LRTM3: variants seen among roughly 807,000 people sequenced by gnomAD.
The protein encoded by LRTM3 is leucine-rich repeat transmembrane protein 3.
At chr13:102,757,365 C>T in the LRTM3 span, among the ~76,000 whole-genome samples, 7 of 152,178 alleles carry the variant, frequency 4.6e-5, no homozygotes, top group African/African-American at 1.7e-4. Flanking sequence ...CTGATTCACA[C>T]AGTGACTAGT....
At chr13:102,741,600 C>T in the LRTM3 span, 1 of 1,550,374 alleles carries the variant, frequency 6.5e-7, no homozygotes, top group South Asian at 1.2e-5. Context: ...GCCATAGACC[C>T]CAGGTTTGTC....
chr13:102,752,840 T>C, the LRTM3 span, among the ~76,000 whole-genome samples: 30 of 152,322 alleles, frequency 2.0e-4, no homozygotes, highest in African/African-American at 6.7e-4. Context: ...TATTTGGAGA[T>C]AAGGCCATCA....
At chr13:102,758,645 A>T in the LRTM3 span, 1 of 1,514,124 alleles carries the variant, frequency 6.6e-7, no homozygotes. Flanking sequence ...TTTACAAATT[A>T]TTCTTATGTC....
the LRTM3 span, chr13:102,750,157 T>C: frequency 1.3e-6 from 2 of 1,551,126 alleles, no homozygotes; most frequent in African/African-American, 2.7e-5. Flanking sequence ...CTGGATGCTC[T>C]GTATGGCTTA....
chr13:102,732,991 C>A, the LRTM3 span: 1 of 1,551,430 alleles, frequency 6.4e-7, no homozygotes, highest in Non-Finnish European at 8.7e-7. Context: ...TGAGCAATGC[C>A]TGCTTCCTTC....
the LRTM3 span, chr13:102,737,309 G>A: frequency 6.4e-7 from 1 of 1,551,118 alleles, no homozygotes; most frequent in Non-Finnish European, 8.7e-7. Flanking sequence ...TAGTTGCAAA[G>A]TAGCAGATTT....
At chr13:102,737,338 T>C in the LRTM3 span, 1 of 1,551,066 alleles carries the variant, frequency 6.4e-7, no homozygotes, top group East Asian at 2.4e-5. Context: ...CTTGTAAGTC[T>C]TCCTCTCCTT....
the LRTM3 span, chr13:102,747,723 G>T: frequency 1.3e-6 from 2 of 1,551,062 alleles, no homozygotes; most frequent in East Asian, 2.4e-5. Context: ...CTGTCTGTAG[G>T]TCTATCTGTG....
chr13:102,740,250 T>G, the LRTM3 span: 1 of 1,549,674 alleles, frequency 6.5e-7, no homozygotes, highest in Middle Eastern at 1.7e-4. Flanking sequence ...TATTTTATAG[T>G]TTTATGGTAT....
the LRTM3 span, chr13:102,748,278 T>G: frequency 6.4e-7 from 1 of 1,550,950 alleles, no homozygotes; most frequent in East Asian, 2.4e-5. Context: ...TCTGTAACAT[T>G]AAGTATCAAT....
the LRTM3 span, chr13:102,745,769 A>G: frequency 1.8e-5 from 28 of 1,551,070 alleles, no homozygotes; most frequent in Non-Finnish European, 2.2e-5. Context: ...GATTTCATCA[A>G]CCTTTGCTTC....
At chr13:102,733,082 T>A in the LRTM3 span, 1 of 1,551,544 alleles carries the variant, frequency 6.4e-7, no homozygotes, top group African/African-American at 1.4e-5. Flanking sequence ...TGTTGTTTTC[T>A]TGTCCACATC....
chr13:102,730,429 T>C, the LRTM3 span: 3 of 1,550,968 alleles, frequency 1.9e-6, no homozygotes, highest in South Asian at 3.6e-5. Flanking sequence ...ATGAAACAGC[T>C]GAACCAGTAG....
At chr13:102,750,251 G>T in the LRTM3 span, 2 of 1,551,158 alleles carry the variant, frequency 1.3e-6, no homozygotes, top group Non-Finnish European at 1.7e-6. Flanking sequence ...TTCACTAGAG[G>T]GACTTACTTG....
the LRTM3 span, chr13:102,735,268 C>T: frequency 1.9e-6 from 3 of 1,551,254 alleles, no homozygotes; most frequent in Non-Finnish European, 2.6e-6. Flanking sequence ...TTTCTCTATC[C>T]TTCTCTTCTT....
chr13:102,747,998 G>A, the LRTM3 span: 3 of 1,550,980 alleles, frequency 1.9e-6, no homozygotes, highest in South Asian at 1.2e-5. Context: ...CTTTTTAAAT[G>A]TACAGCTCTT....
chr13:102,745,058 G>T, the LRTM3 span: 1 of 1,550,810 alleles, frequency 6.4e-7, no homozygotes, highest in Non-Finnish European at 8.7e-7. Flanking sequence ...GCATTTCTTT[G>T]TCTCCTCTCT....
the LRTM3 span, chr13:102,734,162 T>C: frequency 6.4e-7 from 1 of 1,551,474 alleles, no homozygotes; most frequent in Non-Finnish European, 8.7e-7. Context: ...AATCCTTGCC[T>C]CTTGGCAGTG....
At chr13:102,733,102 T>C in the LRTM3 span, 47 of 1,551,478 alleles carry the variant, frequency 3.0e-5, no homozygotes, top group East Asian at 1.0e-3. Flanking sequence ...CTGTTTCCGA[T>C]GGTGTCTTCT....
Sources: gnomAD v4.1 joint callset for allele counts (sites outside exome capture counted in the v4.1 genomes callset) on GRCh38, gnomAD v4.1.1 for gene constraint, MANE v1.5 for transcripts, NCBI Gene and HGNC (gene_info 2026-07-23, HGNC 2026-07-21) for gene names.